CSGALNACT2: variants seen among roughly 807,000 people sequenced by gnomAD.
CSGALNACT2 encodes chondroitin sulfate N-acetylgalactosaminyltransferase 2.
Under a neutral mutation model 55.3 loss-of-function variants are expected in CSGALNACT2, and 35 were observed. The observed-to-expected ratio is 0.63, with a 90% CI of 0.48 to 0.84. The LOEUF (loss-of-function observed/expected upper bound fraction) is 0.84. Among genes scored for constraint, CSGALNACT2 ranks in the 40% least tolerant of loss-of-function variants. The pLI is 0.00. For synonymous variants in CSGALNACT2, 196 were observed against 224.9 expected, an observed-to-expected ratio of 0.87 and a Z score of 1.15; for missense variants, 544 against 657.5, an observed-to-expected ratio of 0.83 and a Z score of 1.89.
At chr10:43,168,605 A>G (rs1217594884) in intron 6 of CSGALNACT2, among the ~76,000 whole-genome samples, 1 of 152,076 alleles carries the variant, frequency 6.6e-6, no homozygotes, top group East Asian at 1.9e-4. Context: ...TTAGCACCAT[A>G]TGATGTACTT....
chr10:43,158,299 G>A (rs527611309), intron 2 of CSGALNACT2, among the ~76,000 whole-genome samples: 1 of 152,022 alleles, frequency 6.6e-6, no homozygotes, highest in African/African-American at 2.4e-5. Flanking sequence ...GGCACTCTTT[G>A]TATCACATAA....
chr10:43,155,910 AGTATT>A (rs1473009348), intron 2 of CSGALNACT2, 100 bp downstream of exon 2: 39 of 1,004,364 alleles, frequency 3.9e-5, no homozygotes, highest in African/African-American at 1.8e-4. Context: ...GACAAATGCT[AGTATT>A]GTATTGTAGA....
chr10:43,163,302 C>G (rs536385479), intron 4 of CSGALNACT2: 2 of 835,506 alleles, frequency 2.4e-6, no homozygotes, highest in East Asian at 2.5e-4. Context: ...ACACTGCATC[C>G]ATAGTAATGA....
At chr10:43,140,264 G>A (rs888593712) in intron 1 of CSGALNACT2, among the ~76,000 whole-genome samples, 2 of 152,274 alleles carry the variant, frequency 1.3e-5, no homozygotes, top group African/African-American at 4.8e-5. Context: ...GTCAGCTATA[G>A]AATGACTGAG....
At chr10:43,158,983 T>C (rs751008222) in intron 3 of CSGALNACT2, 52 bp downstream of exon 3, 11 of 1,084,920 alleles carry the variant, frequency 1.0e-5, no homozygotes, top group African/African-American at 9.4e-5. Context: ...AAAAATCACG[T>C]TTTACTCAGA....
In CSGALNACT2 at chr10:43,178,866, A is replaced by C. The variant is rs909164680; in HGVS notation, c.1336+2834A>C. ...ACACTCACTGTATGTATGTTGGTAC[A>C]TTTAATGGTATCCCACATTTTTCTT... On this transcript the variant is annotated intron_variant, in intron 7 of 7. Transcript: ENST00000374466. Among the ~76,000 whole-genome samples, 15 of 152,052 alleles carry C rather than the reference A, an allele frequency of 9.9e-5. 1 individual carries two copies. Among genetic ancestry groups the C allele is most frequent in the Non-Finnish European group, 2.2e-4 (15 of 68,022 alleles).
intron 6 of CSGALNACT2, among the ~76,000 whole-genome samples, chr10:43,169,180 C>A (rs1283213979): frequency 1.3e-5 from 2 of 152,178 alleles, no homozygotes; most frequent in African/African-American, 4.8e-5. Context: ...CCCCCTGAGA[C>A]CCTGTTCTAA....
rs1338347223 is a variant in CSGALNACT2 at position 43,155,374 on chromosome 10, GA to G, written c.228del (p.Lys76AsnfsTer7). ...ATTATCAGACCAGGGCAACCAGTCT[GA>G]AACGCCAAATTGCCCAACTAAAACA... ...EHYQTRATSL[K>X]RQIAQLKQEL... On this transcript the variant is annotated frameshift_variant, in exon 2 of 8. Coordinates refer to ENST00000374466, the MANE Select transcript of CSGALNACT2 (RefSeq NM_018590.5). LOFTEE classifies it high-confidence loss of function. The G allele has an allele frequency of 6.2e-7, 1 of 1,614,208 alleles. No homozygotes were observed. Among genetic ancestry groups the G allele is most frequent in the Non-Finnish European group, 8.5e-7 (1 of 1,180,042 alleles).
chr10:43,151,632 A>G (rs116929945), intron 1 of CSGALNACT2, among the ~76,000 whole-genome samples: 5,045 of 152,138 alleles, frequency 0.033, 108 homozygotes, highest in Middle Eastern at 0.061. Flanking sequence ...GGGATATCCT[A>G]TTCAGATTTC....
chr10:43,147,554 A>G (rs74629346), intron 1 of CSGALNACT2, among the ~76,000 whole-genome samples: 14 of 152,298 alleles, frequency 9.2e-5, no homozygotes, highest in Non-Finnish European at 1.9e-4. Flanking sequence ...TGCCTAACTC[A>G]GAGTGACAAA....
In CSGALNACT2 at chr10:43,183,288, G is replaced by T; in HGVS notation, c.1375G>T (p.Asp459Tyr). Residue 459 changes from aspartate to tyrosine, a missense_variant, in exon 8 of 8, where the codon GAT (aspartate) becomes TAT (tyrosine). This residue lies in a region of CSGALNACT2 where 170 missense variants were observed against 256.2 expected (regional missense o/e 0.66). Coordinates refer to ENST00000374466, the MANE Select transcript of CSGALNACT2 (RefSeq NM_018590.5). ...DMEVKGWGGE[D>Y]VHLYRKYLHG... is the part of the protein sequence containing the mutation. ...GGAAGTGAAAGGTTGGGGTGGAGAAGATGTTCATCTTTATCGAAAATACTT... is the reference window on the plus strand; with the variant it reads ...GGAAGTGAAAGGTTGGGGTGGAGAATATGTTCATCTTTATCGAAAATACTT... 6.2e-7 allele frequency: 1 copy of T among 1,613,830 alleles called. No individual in the cohort carries two copies. The highest frequency in any genetic ancestry group is 8.5e-7 in the Non-Finnish European group (1 of 1,179,718).
At chr10:43,170,006 G>A (rs1408864436) in intron 6 of CSGALNACT2, among the ~76,000 whole-genome samples, 1 of 152,034 alleles carries the variant, frequency 6.6e-6, no homozygotes, top group African/African-American at 2.4e-5. Context: ...CTTTGTAATC[G>A]AGTCCAGCAA....
At position 43,160,567 on chromosome 10, in the gene CSGALNACT2, G is replaced by C; in HGVS notation, c.952G>C (p.Val318Leu). ...VYFGKEGLSKVKSILESVTSE... is the reference protein window; with the variant it reads ...VYFGKEGLSKLKSILESVTSE... The stretch of plus-strand genomic sequence containing the variant: ...TTTTGGTAAAGAAGGACTGTCTAAA[G>C]TCAAGTCTATCCTAGAATCTGTCAC... Residue 318 changes from valine to leucine, a missense_variant, in exon 4 of 8, where the codon GTC (valine) becomes CTC (leucine). Val to Leu is a conservative substitution (Grantham distance 32, BLOSUM62 1). This residue lies in a region of CSGALNACT2 where 374 missense variants were observed against 401.3 expected (regional missense o/e 0.93). Coordinates refer to ENST00000374466, the MANE Select transcript of CSGALNACT2 (RefSeq NM_018590.5). 1 of 1,579,472 alleles carries C rather than the reference G, an allele frequency of 6.3e-7. No homozygotes were observed. The highest frequency in any genetic ancestry group is 8.7e-7 in the Non-Finnish European group (1 of 1,148,958).
intron 7 of CSGALNACT2, among the ~76,000 whole-genome samples, chr10:43,182,887 A>AC (rs1491277344): frequency 1.5e-3 from 11 of 7,254 alleles, no homozygotes; most frequent in African/African-American, 3.2e-3. Context: ...AAAAAAAAAC[A>AC]AAAAAAAAAA....
At chr10:43,175,569 G>A (rs927314415) in intron 6 of CSGALNACT2, among the ~76,000 whole-genome samples, 2 of 152,128 alleles carry the variant, frequency 1.3e-5, no homozygotes, top group African/African-American at 4.8e-5. Flanking sequence ...CCAGGGCCAG[G>A]TAATTACCAG....
At chr10:43,161,426 T>C (rs1839146349) in intron 4 of CSGALNACT2, among the ~76,000 whole-genome samples, 2 of 152,248 alleles carry the variant, frequency 1.3e-5, no homozygotes, top group Admixed American at 6.5e-5. Context: ...CTTGCTTCTT[T>C]ACCTTTCTGC....
chr10:43,168,463 C>CAA (rs773473610), intron 6 of CSGALNACT2, among the ~76,000 whole-genome samples: 1 of 150,484 alleles, frequency 6.6e-6, no homozygotes, highest in Admixed American at 6.6e-5. Context: ...AAAAACAAAA[C>CAA]AAAAAAAAGG....
At chr10:43,173,727 T>C (rs1839425507) in intron 6 of CSGALNACT2, among the ~76,000 whole-genome samples, 1 of 152,144 alleles carries the variant, frequency 6.6e-6, no homozygotes, top group African/African-American at 2.4e-5. Context: ...GAGTGGTGGC[T>C]CACACGTGTA....
intron 6 of CSGALNACT2, among the ~76,000 whole-genome samples, chr10:43,172,234 G>T (rs1483413503): frequency 6.6e-6 from 1 of 152,140 alleles, no homozygotes; most frequent in Non-Finnish European, 1.5e-5. Context: ...TTGAATTATG[G>T]TACATTCTCT....
Sources: allele counts gnomAD v4.1 joint callset (sites outside exome capture counted in the v4.1 genomes callset), GRCh38; gene constraint gnomAD v4.1.1; regional missense constraint gnomAD v4.1.1; transcripts MANE v1.5; gene names NCBI Gene and HGNC (gene_info 2026-07-23, HGNC 2026-07-21).